Variants in GRIN2B observed in about 807,000 individuals in gnomAD.
The protein encoded by GRIN2B is glutamate ionotropic receptor NMDA type subunit 2B, also known as glutamate receptor ionotropic, NMDA 2B.
In GRIN2B, 5 loss-of-function variants were observed where a neutral mutation model predicts 114.5. That is an observed-to-expected ratio of 0.04 (90% CI 0.02 to 0.09). The LOEUF is 0.09. Among genes scored for constraint, GRIN2B ranks in the 10% least tolerant of loss-of-function variants. The probability of loss-of-function intolerance (pLI) is 1.00; values close to 1 mark genes in which losing one functional copy is unlikely to be tolerated. For missense variants in GRIN2B, 1,108 were observed against 1,943.5 expected, an observed-to-expected ratio of 0.57 and a Z score of 8.08; for synonymous variants, 787 against 745.1, an observed-to-expected ratio of 1.06 and a Z score of -0.92.
chr12:13,615,839 T>C lies in GRIN2B; in HGVS notation c.1329-175A>G, dbSNP rs2136480343. Among the ~76,000 whole-genome samples the C allele has an allele frequency of 6.6e-6, 1 of 152,342 alleles. No individual in the cohort carries two copies. Among genetic ancestry groups the C allele is most frequent in the South Asian group, 2.1e-4 (1 of 4,828 alleles). On this transcript the variant is annotated intron_variant, in intron 6 of 13. Coordinates refer to ENST00000609686, the MANE Select transcript of GRIN2B (RefSeq NM_000834.5). The surrounding 1 kb of genome is among the most constrained non-coding windows in gnomAD (Gnocchi z 5.8). The stretch of plus-strand genomic sequence containing the variant: ...AATAAAGCAGGCAACAGACCTGCAA[T>C]ATTCTCATTATCTCGTCATATTGAG...
chr12:13,940,728 A>C (rs1265908616), intron 2 of GRIN2B, among the ~76,000 whole-genome samples: 1 of 148,464 alleles, frequency 6.7e-6, no homozygotes, highest in Non-Finnish European at 1.5e-5. Flanking sequence ...GGTAGAAAAA[A>C]AGGGAGCAGG....
chr12:13,569,891 G>T lies in GRIN2B; in HGVS notation c.2298C>A (p.Ile766=). 6.2e-7 allele frequency: 1 copy of T among 1,612,722 alleles called. No homozygotes were observed. The highest frequency in any genetic ancestry group is 8.5e-7 in the Non-Finnish European group (1 of 1,179,112). Residue 766 remains isoleucine (I), a synonymous_variant, in exon 12 of 14, where the codon ATC becomes ATA. Coordinates refer to ENST00000609686, the MANE Select transcript of GRIN2B (RefSeq NM_000834.5). ...GGCGCTTCCACCCAGAATCTTTTTG[G>T]ATGGCAATGCCATAGCCAGTGGAAG... ...VFASTGYGIA[I]QKDSGWKRQV... is the part of the protein sequence containing the mutation.
intron 3 of GRIN2B, among the ~76,000 whole-genome samples, chr12:13,841,049 AATG>A (rs1865370150): frequency 1.3e-5 from 2 of 152,194 alleles, no homozygotes; most frequent in Admixed American, 6.5e-5. Context: ...CCTGTACATC[AATG>A]ATATGACATG....
chr12:13,804,892 T>C (rs1864575500), intron 3 of GRIN2B, among the ~76,000 whole-genome samples: 4 of 152,136 alleles, frequency 2.6e-5, no homozygotes, highest in Admixed American at 6.5e-5. Flanking sequence ...CTTGGGTTAG[T>C]GTGCACAGTG....
chr12:13,603,169 G>A (rs1949186726), intron 10 of GRIN2B, among the ~76,000 whole-genome samples: 1 of 152,108 alleles, frequency 6.6e-6, no homozygotes, highest in African/African-American at 2.4e-5. Context: ...CCCAAGTACT[G>A]GAAATCACCA....
At chr12:13,620,284 T>TAGCAC (rs937784076) in intron 5 of GRIN2B, among the ~76,000 whole-genome samples, 11 of 152,228 alleles carry the variant, frequency 7.2e-5, no homozygotes, top group Non-Finnish European at 1.5e-4. Context: ...AGCAATTGTC[T>TAGCAC]AGCACAGTTC....
In GRIN2B at chr12:13,616,622, C is replaced by T. The variant is rs1949445178; in HGVS notation, c.1161G>A (p.Lys387=). The part of the protein sequence containing the change: ...GKWKDKSLQM[K]YYVWPRMCPE... ...GACACATTCGGGGCCACACATAGTA[C>T]TTCATCTGCAGGGACTTGTCTTTCC... The change falls in exon 6 of 14, where the codon AAG becomes AAA. Residue 387 remains lysine (K), a synonymous_variant. Coordinates refer to ENST00000609686, the MANE Select transcript of GRIN2B (RefSeq NM_000834.5). The T allele has an allele frequency of 2.5e-6, 4 of 1,613,956 alleles. No homozygotes were observed. The South Asian group carries it at 4.4e-5, about 18-fold the overall frequency.
At chr12:13,655,179 C>T (rs1263722772) in intron 5 of GRIN2B, among the ~76,000 whole-genome samples, 3 of 152,042 alleles carry the variant, frequency 2.0e-5, no homozygotes, top group Non-Finnish European at 2.9e-5. Context: ...AAAAACCCAC[C>T]GAGCACAAGA....
intron 2 of GRIN2B, among the ~76,000 whole-genome samples, chr12:13,875,833 C>T (rs193227177): frequency 2.6e-4 from 39 of 152,264 alleles, no homozygotes; most frequent in Non-Finnish European, 1.9e-4. Flanking sequence ...CTGTGAAGAT[C>T]GATTCATTTG....
At chr12:13,861,699 A>T (rs1865754534) in intron 3 of GRIN2B, among the ~76,000 whole-genome samples, 1 of 152,188 alleles carries the variant, frequency 6.6e-6, no homozygotes, top group South Asian at 2.1e-4. Flanking sequence ...GGGTGAGACC[A>T]AGACTCCCAC....
At chr12:13,866,295 G>C (rs1330872624) in intron 2 of GRIN2B, 69 bp from the exon 3 acceptor site, 2 of 1,361,102 alleles carry the variant, frequency 1.5e-6, no homozygotes, top group East Asian at 4.7e-5. Context: ...GAAGAGGCTA[G>C]ATACTGCAAT....
At chr12:13,857,502 A>T (rs1272292664) in intron 3 of GRIN2B, among the ~76,000 whole-genome samples, 2 of 152,218 alleles carry the variant, frequency 1.3e-5, no homozygotes, top group Non-Finnish European at 2.9e-5. Context: ...AGAGAGGAAT[A>T]AGTTGAAAGT....
At chr12:13,581,157 T>C (rs1268501509) in intron 10 of GRIN2B, among the ~76,000 whole-genome samples, 1 of 152,198 alleles carries the variant, frequency 6.6e-6, no homozygotes. Context: ...TTTTCATTTT[T>C]CTAAGGTAAA....
At chr12:13,790,084 C>T (rs1039527017) in intron 3 of GRIN2B, among the ~76,000 whole-genome samples, 1 of 152,328 alleles carries the variant, frequency 6.6e-6, no homozygotes, top group African/African-American at 2.4e-5. Flanking sequence ...TCTGATCTCC[C>T]ATGGAACTGA....
At chr12:13,804,057 C>A (rs745681380) in intron 3 of GRIN2B, among the ~76,000 whole-genome samples, 47 of 152,078 alleles carry the variant, frequency 3.1e-4, no homozygotes, top group Non-Finnish European at 6.0e-4. Flanking sequence ...CAAATTATAT[C>A]TTTTCACCAG....
chr12:13,613,217 C>T (rs919981461), intron 8 of GRIN2B, among the ~76,000 whole-genome samples: 51 of 152,212 alleles, frequency 3.4e-4, no homozygotes, highest in Admixed American at 1.2e-3. Flanking sequence ...ACCCTGATTT[C>T]CCTTTTGTCT....
At chr12:13,660,196 G>A (rs1381057982) in intron 5 of GRIN2B, among the ~76,000 whole-genome samples, 3 of 152,120 alleles carry the variant, frequency 2.0e-5, no homozygotes, top group African/African-American at 7.2e-5. Context: ...AAATAATCAA[G>A]TTGCTAAATT....
chr12:13,887,452 C>T (rs1026313737), intron 2 of GRIN2B, among the ~76,000 whole-genome samples: 1 of 151,746 alleles, frequency 6.6e-6, no homozygotes, highest in Non-Finnish European at 1.5e-5. Flanking sequence ...CTGAAAAAAA[C>T]CCAAAAGACT....
rs187018283 is a variant in GRIN2B, at chr12:13,630,506, T to C, written c.1126-13849A>G. Among the ~76,000 whole-genome samples the C allele has an allele frequency of 6.8e-3, 1,036 of 152,280 alleles. 6 individuals are homozygous for C. Among genetic ancestry groups the C allele is most frequent in the Non-Finnish European group, 9.9e-3 (676 of 68,020 alleles). ...CACATGTAGAGACTTGGATGAGCGA[T>C]AGTCAGTGGGTCTTGTCTTGTCCTC... On this transcript the variant is annotated intron_variant, in intron 5 of 13. Coordinates refer to ENST00000609686, the MANE Select transcript of GRIN2B (RefSeq NM_000834.5).
Sources: gnomAD v4.1 joint callset for allele counts (sites outside exome capture counted in the v4.1 genomes callset) on GRCh38, gnomAD v4.1.1 for gene constraint, Gnocchi (gnomAD v3.1) non-coding constraint, MANE v1.5 for transcripts, NCBI Gene and HGNC (gene_info 2026-07-23, HGNC 2026-07-21) for gene names.